GLCCI1: variants seen among roughly 807,000 people sequenced by gnomAD.
GLCCI1 encodes glucocorticoid-induced transcript 1 protein.
GLCCI1 carries 24 observed loss-of-function variants against 52.2 expected under a neutral mutation model. The ratio of observed to expected loss-of-function variants is 0.46; its 90% CI spans 0.33 to 0.65. The LOEUF (loss-of-function observed/expected upper bound fraction) is 0.65, where lower values mean the gene tolerates loss of function less well. Ranked by LOEUF, GLCCI1 falls within the 30% of genes least tolerant of loss-of-function variation. The pLI is 0.02. For synonymous variants in GLCCI1, 310 were observed against 276.5 expected (o/e 1.12, Z -1.20); for missense variants, 704 against 701.5 (o/e 1.00, Z -0.04).
intron 1 of GLCCI1, chr7:7,981,296 TTC>T (rs941748540): frequency 4.0e-6 from 1 of 247,764 alleles, no homozygotes; most frequent in Non-Finnish European, 7.6e-6. Context: ...CTCTCCCTCT[TTC>T]TCTCTTTCTT....
At chr7:8,082,704 A>G (rs1783020997) in intron 6 of GLCCI1, among the ~76,000 whole-genome samples, 1 of 152,190 alleles carries the variant, frequency 6.6e-6, no homozygotes, top group African/African-American at 2.4e-5. Context: ...AATAATGTTT[A>G]AGAGGGTAAA....
At chr7:7,979,863 A>G (rs767717271) in intron 1 of GLCCI1, among the ~76,000 whole-genome samples, 12 of 152,190 alleles carry the variant, frequency 7.9e-5, no homozygotes, top group Non-Finnish European at 2.9e-5. Context: ...TTATGTCACC[A>G]TTTACCTGAA....
At chr7:7,997,693 C>T (rs776984635) in intron 1 of GLCCI1, among the ~76,000 whole-genome samples, 23 of 152,068 alleles carry the variant, frequency 1.5e-4, no homozygotes, top group Admixed American at 2.6e-4. Context: ...TTTGGGAGGC[C>T]GAGGCAGGCA....
chr7:8,016,823 A>C (rs931722512), intron 2 of GLCCI1, among the ~76,000 whole-genome samples: 6 of 152,360 alleles, frequency 3.9e-5, no homozygotes, highest in Admixed American at 3.3e-4. Context: ...TAGAATCAAT[A>C]GTATTTTACT....
intron 3 of GLCCI1, among the ~76,000 whole-genome samples, chr7:8,051,080 G>C (rs1055470997): frequency 1.3e-5 from 2 of 152,122 alleles, no homozygotes; most frequent in Admixed American, 6.6e-5. Context: ...GAAAGAATAT[G>C]TTATTAGGCA....
intron 3 of GLCCI1, among the ~76,000 whole-genome samples, chr7:8,053,331 G>GTTTTT (rs1448225288): frequency 1.5e-4 from 17 of 113,460 alleles, no homozygotes; most frequent in Admixed American, 5.3e-4. Context: ...TTTTTTGTTT[G>GTTTTT]TTTGTTTGTT....
Position 8,003,913 on chromosome 7 carries a change from A to G in GLCCI1, c.463A>G (p.Lys155Glu). The G allele has an allele frequency of 1.2e-6, 2 of 1,610,084 alleles. No homozygotes were observed. The highest frequency in any genetic ancestry group is 1.7e-6 in the Non-Finnish European group (2 of 1,178,472). ...TTTTTTTTCACTTTCTGTAGCGGAC[A>G]AGGCAAAATCTCAGCAAGTTCGGAC... ...SPGSPVCRAD[K>E]AKSQQVRTSS... The change falls in exon 2 of 8, where the codon AAG becomes GAG. Residue 155 changes from lysine (K) to glutamate (E), a missense_variant. Physicochemically the swap from Lys to Glu is moderately conservative, Grantham distance 56. Coordinates refer to ENST00000223145, the MANE Select transcript of GLCCI1 (RefSeq NM_138426.4).
intron 2 of GLCCI1, among the ~76,000 whole-genome samples, chr7:8,016,306 A>G (rs934780295): frequency 1.3e-5 from 2 of 152,112 alleles, no homozygotes; most frequent in Admixed American, 6.5e-5. Context: ...CGTCTCTACT[A>G]AAAATACAAA....
chr7:8,012,429 ATTCTTTTTTTTTT>A (rs1781282795), intron 2 of GLCCI1, among the ~76,000 whole-genome samples: 1 of 58,850 alleles, frequency 1.7e-5, no homozygotes, highest in Non-Finnish European at 3.5e-5. Context: ...TTGCCTTTTT[ATTCTTTTTTTTTT>A]TTTTTTTTTT....
chr7:8,055,600 G>A (rs1345801387), intron 4 of GLCCI1, 51 bp downstream of exon 4: 9 of 1,050,346 alleles, frequency 8.6e-6, no homozygotes, highest in Non-Finnish European at 1.2e-5. Context: ...GTTCATTAAG[G>A]AAGGGAATTC....
At chr7:7,980,491 A>G (rs1780590527) in intron 1 of GLCCI1, 1 of 340,668 alleles carries the variant, frequency 2.9e-6, no homozygotes, top group Non-Finnish European at 5.3e-6. Flanking sequence ...ATATTACAAA[A>G]TAAAATATTA....
At chr7:8,002,531 A>T (rs572729975) in intron 1 of GLCCI1, among the ~76,000 whole-genome samples, 107 of 152,340 alleles carry the variant, frequency 7.0e-4, no homozygotes, top group Non-Finnish European at 9.6e-4. Context: ...GGTCAAAGGA[A>T]AAAATAAAAA....
intron 1 of GLCCI1, among the ~76,000 whole-genome samples, chr7:7,997,271 T>C (rs963459700): frequency 6.6e-6 from 1 of 152,142 alleles, no homozygotes; most frequent in African/African-American, 2.4e-5. Context: ...AATTACTTAA[T>C]GTTAGTAGTG....
intron 1 of GLCCI1, chr7:7,981,113 A>T: frequency 6.4e-6 from 3 of 467,494 alleles, no homozygotes; most frequent in Non-Finnish European, 1.3e-5. Context: ...CCTCCGGAAA[A>T]ATCTGTGTAT....
At chr7:8,040,783 T>C (rs370513453) in intron 3 of GLCCI1, among the ~76,000 whole-genome samples, 21 of 152,252 alleles carry the variant, frequency 1.4e-4, no homozygotes, top group African/African-American at 3.9e-4. Context: ...TTGAGACTTA[T>C]ACACAAATGT....
intron 6 of GLCCI1, among the ~76,000 whole-genome samples, chr7:8,082,555 C>T (rs960759976): frequency 1.3e-5 from 2 of 152,000 alleles, no homozygotes; most frequent in Non-Finnish European, 2.9e-5. Flanking sequence ...TTTTTTCTTA[C>T]AAGCTTTGCC....
At chr7:8,036,447 GTT>G (rs1781870657) in intron 3 of GLCCI1, among the ~76,000 whole-genome samples, 1 of 152,114 alleles carries the variant, frequency 6.6e-6, no homozygotes, top group African/African-American at 2.4e-5. Context: ...AGAAGAGAGA[GTT>G]TATCCAGATG....
At chr7:8,004,260 A>G (rs534480127) in intron 2 of GLCCI1, 3 of 505,718 alleles carry the variant, frequency 5.9e-6, no homozygotes, top group South Asian at 6.4e-5. Flanking sequence ...AAATTCTTTA[A>G]TACTTAAATA....
chr7:8,085,617 C>T (rs1326709335), intron 7 of GLCCI1, among the ~76,000 whole-genome samples: 1 of 152,090 alleles, frequency 6.6e-6, no homozygotes, highest in Non-Finnish European at 1.5e-5. Context: ...AGTGCTCTTG[C>T]AACATAGAAG....
Sources: gnomAD v4.1 joint callset for allele counts (sites outside exome capture counted in the v4.1 genomes callset) on GRCh38, gnomAD v4.1.1 for gene constraint, MANE v1.5 for transcripts, NCBI Gene and HGNC (gene_info 2026-07-23, HGNC 2026-07-21) for gene names.